Variants in GUCY1A2 observed in about 807,000 individuals in gnomAD.
GUCY1A2 encodes guanylate cyclase soluble subunit alpha-2.
In GUCY1A2, 27 loss-of-function variants were observed where a neutral mutation model predicts 63.5. The observed-to-expected ratio is 0.43, with a 90% CI of 0.31 to 0.59. The LOEUF is 0.59. GUCY1A2 is among the 20% of genes least tolerant of loss of function. GUCY1A2 has a pLI of 0.11. For missense variants in GUCY1A2, 768 were observed against 913.3 expected, an observed-to-expected ratio of 0.84 and a Z score of 2.05; for synonymous variants, 364 against 343.5, an observed-to-expected ratio of 1.06 and a Z score of -0.66.
chr11:106,794,272 T>C (rs373167871), intron 5 of GUCY1A2, among the ~76,000 whole-genome samples: 7 of 152,252 alleles, frequency 4.6e-5, no homozygotes, highest in South Asian at 2.1e-4. Context: ...ATCTCACTTA[T>C]GTGGAATCCA....
chr11:106,925,206 G>A (rs1244353699), intron 4 of GUCY1A2, among the ~76,000 whole-genome samples: 1 of 150,076 alleles, frequency 6.7e-6, no homozygotes, highest in East Asian at 1.9e-4. Flanking sequence ...AGAGGAGAAA[G>A]AGAGAGAGAG....
chr11:106,894,588 C>T (rs960437534), intron 4 of GUCY1A2, among the ~76,000 whole-genome samples: 1 of 152,088 alleles, frequency 6.6e-6, no homozygotes, highest in Non-Finnish European at 1.5e-5. Flanking sequence ...GACTAGAAGT[C>T]TTACAATGTC....
intron 4 of GUCY1A2, among the ~76,000 whole-genome samples, chr11:106,897,978 C>T (rs1359359874): frequency 6.6e-6 from 1 of 152,028 alleles, no homozygotes; most frequent in East Asian, 1.9e-4. Context: ...CCAAAATAGA[C>T]AAATAACCCT....
At chr11:106,840,407 G>C (rs2135443076) in intron 4 of GUCY1A2, among the ~76,000 whole-genome samples, 2 of 152,010 alleles carry the variant, frequency 1.3e-5, no homozygotes, top group Middle Eastern at 6.8e-3. Context: ...AACGCTTCTA[G>C]CTCAAGAGGG....
chr11:107,007,681 C>A (rs1254345057), intron 1 of GUCY1A2, among the ~76,000 whole-genome samples: 1 of 152,172 alleles, frequency 6.6e-6, no homozygotes, highest in Non-Finnish European at 1.5e-5. Context: ...AATCTTTAAA[C>A]AAGCAATTTC....
chr11:106,687,097 T>C lies in GUCY1A2; in HGVS notation c.*452A>G, dbSNP rs1283047231. 2 of 227,026 alleles carry C rather than the reference T, an allele frequency of 8.8e-6. No individual in the cohort carries two copies. The highest frequency in any genetic ancestry group is 1.8e-5 in the Non-Finnish European group (2 of 114,284). 14.1% of individuals were successfully genotyped at this position (227,026 alleles called of 1,614,324 possible). A position where few individuals can be genotyped will look rare whatever the true frequency, so the allele number is the denominator to read the frequency against. On this transcript the variant is annotated 3_prime_UTR_variant, in exon 8 of 8. Coordinates refer to ENST00000526355, the MANE Select transcript of GUCY1A2 (RefSeq NM_000855.3). ...AAGTTTACCACACTGCCATGATACA[T>C]GTATGAAATGTCTGTTCAGAAAAAG...
chr11:106,905,987 A>T (rs894418318), intron 4 of GUCY1A2, among the ~76,000 whole-genome samples: 1 of 152,110 alleles, frequency 6.6e-6, no homozygotes, highest in African/African-American at 2.4e-5. Flanking sequence ...AACTACAAAA[A>T]CCCTAGAAGA....
intron 4 of GUCY1A2, among the ~76,000 whole-genome samples, chr11:106,898,894 C>T (rs1860087865): frequency 6.6e-6 from 1 of 152,048 alleles, no homozygotes; most frequent in African/African-American, 2.4e-5. Context: ...TGAATTGTAA[C>T]AAATGTATCA....
At chr11:107,015,561 CAAAAAAAAAAAAAAAAAAAAAAA>C (rs568139219) in intron 1 of GUCY1A2, among the ~76,000 whole-genome samples, 3 of 27,508 alleles carry the variant, frequency 1.1e-4, no homozygotes, top group East Asian at 1.9e-3. Context: ...TTCTCTTAGG[CAAAAAAAAAAAAAAAAAAAAAAA>C]AAAAAAAAAA....
At chr11:106,753,120 A>C (rs1863912507) in intron 6 of GUCY1A2, among the ~76,000 whole-genome samples, 1 of 152,212 alleles carries the variant, frequency 6.6e-6, no homozygotes, top group Non-Finnish European at 1.5e-5. Flanking sequence ...ATGACAAGTG[A>C]TGATGAGCAC....
chr11:106,870,174 T>A (rs1228640104), intron 4 of GUCY1A2, among the ~76,000 whole-genome samples: 1 of 151,484 alleles, frequency 6.6e-6, no homozygotes, highest in Non-Finnish European at 1.5e-5. Flanking sequence ...TTAATGGGTG[T>A]TGCACACCAA....
chr11:106,823,314 T>C (rs1382080682), intron 4 of GUCY1A2, among the ~76,000 whole-genome samples: 1 of 152,166 alleles, frequency 6.6e-6, no homozygotes, highest in Non-Finnish European at 1.5e-5. Context: ...ACCCACTGTT[T>C]AGTGCAGACT....
chr11:106,815,922 G>T (rs1355451366), intron 4 of GUCY1A2, among the ~76,000 whole-genome samples: 1 of 151,876 alleles, frequency 6.6e-6, no homozygotes, highest in Non-Finnish European at 1.5e-5. Flanking sequence ...GCAAGAAATG[G>T]ATTCTACCCC....
chr11:106,863,450 G>C (rs1859542602), intron 4 of GUCY1A2, among the ~76,000 whole-genome samples: 1 of 152,158 alleles, frequency 6.6e-6, no homozygotes, highest in African/African-American at 2.4e-5. Flanking sequence ...GATGGTTGTA[G>C]ATGTGTGGTG....
intron 2 of GUCY1A2, 135 bp from the exon 3 acceptor site, chr11:106,978,875 A>G: frequency 1.6e-6 from 1 of 614,636 alleles, no homozygotes; most frequent in Non-Finnish European, 2.8e-6. Flanking sequence ...AAGCTTTGAG[A>G]CATAATTCTG....
At chr11:106,799,910 G>T (rs562578568) in intron 5 of GUCY1A2, among the ~76,000 whole-genome samples, 1 of 152,258 alleles carries the variant, frequency 6.6e-6, no homozygotes, top group Admixed American at 6.5e-5. Context: ...TTAAACTAAA[G>T]AGCTTCTGCA....
chr11:106,864,564 A>G (rs1169962307), intron 4 of GUCY1A2, among the ~76,000 whole-genome samples: 1 of 152,146 alleles, frequency 6.6e-6, no homozygotes, highest in Non-Finnish European at 1.5e-5. Context: ...TTTGTCATAA[A>G]TAGCTCTTAT....
At chr11:106,788,166 T>C (rs1210213552) in intron 5 of GUCY1A2, among the ~76,000 whole-genome samples, 1 of 152,224 alleles carries the variant, frequency 6.6e-6, no homozygotes, top group African/African-American at 2.4e-5. Flanking sequence ...CATATACCTG[T>C]TTGCCATTTC....
chr11:106,813,099 G>A (rs1447874045), intron 4 of GUCY1A2, among the ~76,000 whole-genome samples: 1 of 151,842 alleles, frequency 6.6e-6, no homozygotes, highest in Non-Finnish European at 1.5e-5. Context: ...CTACATATTT[G>A]TATATAAAAG....
Sources: allele counts gnomAD v4.1 joint callset (sites outside exome capture counted in the v4.1 genomes callset), GRCh38; gene constraint gnomAD v4.1.1; transcripts MANE v1.5; gene names NCBI Gene and HGNC (gene_info 2026-07-23, HGNC 2026-07-21).